SORCS1: variants seen among roughly 807,000 people sequenced by gnomAD.
SORCS1 encodes VPS10 domain-containing receptor SorCS1.
Under a neutral mutation model 146.1 loss-of-function variants are expected in SORCS1, and 60 were observed. The ratio of observed to expected loss-of-function variants is 0.41; its 90% CI spans 0.33 to 0.51. The LOEUF (loss-of-function observed/expected upper bound fraction) is 0.51, where lower values mean the gene tolerates loss of function less well. SORCS1 is among the 20% of genes least tolerant of loss of function. SORCS1 has a pLI of 0.21. For synonymous variants in SORCS1, 637 were observed against 584.0 expected, an observed-to-expected ratio of 1.09 and a Z score of -1.31; for missense variants, 1,352 against 1,487.6, an observed-to-expected ratio of 0.91 and a Z score of 1.50.
chr10:106,702,475 C>CCGG (rs1190047554), intron 8 of SORCS1, among the ~76,000 whole-genome samples: 1 of 152,200 alleles, frequency 6.6e-6, no homozygotes, highest in Non-Finnish European at 1.5e-5. Context: ...ATCACCTATA[C>CCGG]CGGCCACTTC....
rs747149092 is a variant in SORCS1, at chr10:106,671,360, G to A, written c.2066C>T (p.Ala689Val). 1 of 1,613,968 alleles carries A rather than the reference G, an allele frequency of 6.2e-7. No individual in the cohort carries two copies. Among genetic ancestry groups the A allele is most frequent in the East Asian group, 2.2e-5 (1 of 44,872 alleles). Reference sequence around the variant, plus strand: ...TATCCTTTTTGCTCCCATGATACATGCTTCCCCCTGTAAGCAGAGAAGGAT... The same window carrying A: ...TATCCTTTTTGCTCCCATGATACATACTTCCCCCTGTAAGCAGAGAAGGAT... Reference protein sequence around the residue: ...RPWQLHSQGEACIMGAKRIYK... With the variant: ...RPWQLHSQGEVCIMGAKRIYK... Residue 689 changes from alanine (A) to valine (V), a missense_variant, in exon 16 of 26, where the codon GCA becomes GTA. This residue lies in a region of SORCS1 where 648 missense variants were observed against 793.8 expected (regional missense o/e 0.82). Transcript: ENST00000263054.
At chr10:106,801,593 A>T (rs1308418229) in intron 3 of SORCS1, among the ~76,000 whole-genome samples, 1 of 130,578 alleles carries the variant, frequency 7.7e-6, no homozygotes, top group Non-Finnish European at 1.5e-5. Context: ...CAGTGGTGGG[A>T]TCTCGGCTCA....
intron 2 of SORCS1, among the ~76,000 whole-genome samples, chr10:106,897,052 G>A (rs181890090): frequency 2.0e-5 from 3 of 151,852 alleles, no homozygotes; most frequent in East Asian, 3.9e-4. Flanking sequence ...CACCGCGCCC[G>A]GCTAATTTTT....
chr10:106,867,909 G>A (rs1040693139), intron 2 of SORCS1, among the ~76,000 whole-genome samples: 1 of 152,128 alleles, frequency 6.6e-6, no homozygotes, highest in Non-Finnish European at 1.5e-5. Flanking sequence ...AAGGCACAGA[G>A]TGTCAAGCTG....
intron 25 of SORCS1, chr10:106,578,331 C>T (rs1564737769): frequency 1.3e-5 from 2 of 152,136 alleles, no homozygotes; most frequent in African/African-American, 4.8e-5. Flanking sequence ...ATTCCCATGC[C>T]TACTTCACAG....
intron 1 of SORCS1, among the ~76,000 whole-genome samples, chr10:106,968,937 A>G (rs1259710101): frequency 6.6e-6 from 1 of 152,248 alleles, no homozygotes; most frequent in Non-Finnish European, 1.5e-5. Context: ...TCAATCAACA[A>G]TAACAACTGA....
intron 8 of SORCS1, among the ~76,000 whole-genome samples, chr10:106,700,189 A>G (rs1449017060): frequency 6.6e-6 from 1 of 152,178 alleles, no homozygotes; most frequent in Non-Finnish European, 1.5e-5. Flanking sequence ...AGATAGAATT[A>G]AAGCAAAGGT....
intron 24 of SORCS1, among the ~76,000 whole-genome samples, chr10:106,584,809 C>G (rs2133226156): frequency 6.6e-6 from 1 of 152,222 alleles, no homozygotes; most frequent in Non-Finnish European, 1.5e-5. Flanking sequence ...TCAGTAATAT[C>G]CAGTGACAGG....
intron 5 of SORCS1, among the ~76,000 whole-genome samples, chr10:106,758,145 T>G (rs1183392696): frequency 6.6e-6 from 1 of 152,212 alleles, no homozygotes; most frequent in Non-Finnish European, 1.5e-5. Flanking sequence ...GGCTTTTGAT[T>G]AGAAGAGCTT....
intron 1 of SORCS1, among the ~76,000 whole-genome samples, chr10:107,160,453 T>A (rs1565121595): frequency 2.0e-5 from 3 of 152,206 alleles, no homozygotes; most frequent in African/African-American, 7.2e-5. Flanking sequence ...ATGTAAAGCA[T>A]CTACCCCAAA....
chr10:107,118,895 T>G (rs948835846), intron 1 of SORCS1, among the ~76,000 whole-genome samples: 2 of 152,162 alleles, frequency 1.3e-5, no homozygotes, highest in Non-Finnish European at 2.9e-5. Flanking sequence ...TAATGTGAGG[T>G]CCTCCACAGC....
chr10:106,920,986 G>A (rs1017843094), intron 2 of SORCS1, among the ~76,000 whole-genome samples: 2 of 152,078 alleles, frequency 1.3e-5, no homozygotes, highest in Admixed American at 6.6e-5. Context: ...ATGCTCCTGG[G>A]AAAACACTCC....
chr10:106,895,989 C>A (rs1022039076), intron 2 of SORCS1, among the ~76,000 whole-genome samples: 15 of 151,468 alleles, frequency 9.9e-5, no homozygotes, highest in African/African-American at 2.9e-4. Context: ...AATATTTAGC[C>A]TTACAAAGGA....
At chr10:107,001,315 A>G (rs1488421776) in intron 1 of SORCS1, among the ~76,000 whole-genome samples, 2 of 152,170 alleles carry the variant, frequency 1.3e-5, no homozygotes, top group Non-Finnish European at 2.9e-5. Context: ...TGGGGAGTGC[A>G]ATGGGAGGAC....
intron 2 of SORCS1, among the ~76,000 whole-genome samples, chr10:106,947,824 G>A (rs1292575405): frequency 1.3e-5 from 2 of 151,332 alleles, no homozygotes; most frequent in Non-Finnish European, 2.9e-5. Flanking sequence ...CTTCACAAGA[G>A]TGAAACTCCA....
chr10:106,826,673 C>T (rs1361474142), intron 3 of SORCS1, among the ~76,000 whole-genome samples: 1 of 152,102 alleles, frequency 6.6e-6, no homozygotes, highest in Non-Finnish European at 1.5e-5. Context: ...GATTTGTGTA[C>T]CATTGTTAAG....
At chr10:106,985,322 A>G (rs1589853247) in intron 1 of SORCS1, among the ~76,000 whole-genome samples, 1 of 152,220 alleles carries the variant, frequency 6.6e-6, no homozygotes, top group East Asian at 1.9e-4. Context: ...TTATAAACCA[A>G]GTTGAAGTTG....
At chr10:107,152,991 G>C (rs186207106) in intron 1 of SORCS1, among the ~76,000 whole-genome samples, 2 of 151,768 alleles carry the variant, frequency 1.3e-5, no homozygotes, top group East Asian at 1.9e-4. Context: ...TTCTCAATCT[G>C]CCTCTGCTCT....
chr10:107,116,942 A>G (rs560663002), intron 1 of SORCS1, among the ~76,000 whole-genome samples: 165 of 152,318 alleles, frequency 1.1e-3, no homozygotes, highest in Admixed American at 2.7e-3. Flanking sequence ...ATGAATAATC[A>G]TAGAAACTAT....
Sources: allele counts gnomAD v4.1 joint callset (sites outside exome capture counted in the v4.1 genomes callset), GRCh38; gene constraint gnomAD v4.1.1; regional missense constraint gnomAD v4.1.1; transcripts MANE v1.5; gene names NCBI Gene and HGNC (gene_info 2026-07-23, HGNC 2026-07-21).